The following HAUS6 variants were observed in gnomAD, a reference collection of about 807,000 sequenced individuals.
HAUS6 encodes HAUS augmin-like complex subunit 6.
HAUS6 carries 80 observed loss-of-function variants against 106.8 expected under a neutral mutation model. That is an observed-to-expected ratio of 0.75 (90% CI 0.63 to 0.90). The LOEUF (loss-of-function observed/expected upper bound fraction) is 0.90. Ranked by LOEUF, HAUS6 falls within the 40% of genes least tolerant of loss-of-function variation. The probability of loss-of-function intolerance (pLI) is 0.00; values close to 1 mark genes in which losing one functional copy is unlikely to be tolerated. For synonymous variants in HAUS6, 356 were observed against 379.1 expected (o/e 0.94, Z 0.71); for missense variants, 1,155 against 1,118.1 (o/e 1.03, Z -0.47).
Position 19,076,006 on chromosome 9 carries a change from A to C in HAUS6, c.1294+596T>G, listed in dbSNP as rs559333690. On this transcript the variant is annotated intron_variant, in intron 11 of 16. Transcript: ENST00000380502. The stretch of plus-strand genomic sequence containing the variant: ...ACAAGTACATTACTGGCTGCCAGGG[A>C]CTAGCGGGGAAAATGGAAGTGACTG... 7.3e-5 allele frequency among the ~76,000 whole-genome samples: 11 copies of C among 150,560 alleles called. No homozygotes were observed. In the East Asian group the frequency reaches 2.2e-3, roughly 30 times the overall value.
In HAUS6 at chr9:19,094,318, G is replaced by A; in HGVS notation, c.302C>T (p.Ser101Phe). 3 of 1,560,894 alleles carry A rather than the reference G, an allele frequency of 1.9e-6. No homozygotes were observed. Among genetic ancestry groups the A allele is most frequent in the Non-Finnish European group, 2.6e-6 (3 of 1,136,288 alleles). ...KHCCEWIKRI[S>F]GECGSSFPQV... ...TCTTCTAACAAAAAGAATACTTACA[G>A]AAATCCTTTTTATCCATTCACAGCA... is the stretch of plus-strand genomic sequence containing the variant. The change falls in exon 3 of 17, where the codon TCT (serine) becomes TTT (phenylalanine). Residue 101 changes from serine to phenylalanine, a missense_variant and splice_region_variant. Transcript: ENST00000380502.
intron 2 of HAUS6, among the ~76,000 whole-genome samples, chr9:19,095,504 C>CAAAAAAAA (rs35289506): frequency 7.3e-6 from 1 of 136,584 alleles, no homozygotes. Flanking sequence ...TGATAATCAG[C>CAAAAAAAA]AAAAAAAAAA....
At chr9:19,082,644 G>C (rs1022986906) in intron 8 of HAUS6, among the ~76,000 whole-genome samples, 43 of 152,084 alleles carry the variant, frequency 2.8e-4, no homozygotes, top group African/African-American at 9.2e-4. Flanking sequence ...TACTCGGGAG[G>C]CTGAGGCAGG....
At chr9:19,093,351 C>T (rs1175595048) in intron 3 of HAUS6, 48 bp from the exon 4 acceptor site, 6 of 1,473,116 alleles carry the variant, frequency 4.1e-6, no homozygotes, top group South Asian at 3.6e-5. Context: ...TTAACAATAA[C>T]TCTTACATTT....
At chr9:19,079,380 C>T (rs1286196707) in intron 9 of HAUS6, among the ~76,000 whole-genome samples, 3 of 151,284 alleles carry the variant, frequency 2.0e-5, no homozygotes, top group South Asian at 2.1e-4. Context: ...TACAGGCGCA[C>T]GCCACCACGC....
intron 3 of HAUS6, among the ~76,000 whole-genome samples, 188 bp from the exon 4 acceptor site, chr9:19,093,491 C>T (rs1817798657): frequency 6.6e-6 from 1 of 152,186 alleles, no homozygotes; most frequent in Admixed American, 6.5e-5. Flanking sequence ...TTGGACACAT[C>T]CAACTGTGCA....
intron 14 of HAUS6, among the ~76,000 whole-genome samples, chr9:19,061,616 C>G (rs1403952532): frequency 6.6e-6 from 1 of 152,182 alleles, no homozygotes; most frequent in Admixed American, 6.5e-5. Context: ...TAGAAGATCA[C>G]TTCAGGCTAC....
Position 19,054,821 on chromosome 9 carries a change from C to T in HAUS6, c.*1522G>A, listed in dbSNP as rs979564067. Reference sequence around the variant, plus strand: ...AAATATAATTAAATGAAATAATACACATTAAGTGTCTAGCAGTGGCTTTGG... The same window carrying T: ...AAATATAATTAAATGAAATAATACATATTAAGTGTCTAGCAGTGGCTTTGG... On this transcript the variant is annotated 3_prime_UTR_variant, in exon 17 of 17. Coordinates refer to ENST00000380502, the MANE Select transcript of HAUS6 (RefSeq NM_017645.5). 6 of 152,178 alleles carry T rather than the reference C, an allele frequency of 3.9e-5. No homozygotes were observed. Among genetic ancestry groups the T allele is most frequent in the Non-Finnish European group, 5.9e-5 (4 of 68,040 alleles). 9.4% of individuals were successfully genotyped at this position (152,178 alleles called of 1,614,324 possible).
chr9:19,068,322 G>A (rs996029714), intron 12 of HAUS6, among the ~76,000 whole-genome samples: 4 of 151,898 alleles, frequency 2.6e-5, no homozygotes, highest in African/African-American at 7.3e-5. Context: ...AATCCAGATA[G>A]ACTAAAATAT....
At chr9:19,068,799 C>A (rs1169226626) in intron 12 of HAUS6, among the ~76,000 whole-genome samples, 1 of 151,412 alleles carries the variant, frequency 6.6e-6, no homozygotes, top group Non-Finnish European at 1.5e-5. Context: ...TAATATGTTC[C>A]CCAATCGGAT....
intron 4 of HAUS6, among the ~76,000 whole-genome samples, chr9:19,092,618 GAAAA>G (rs754952207): frequency 0.1 from 5,631 of 54,618 alleles, 157 homozygotes; most frequent in East Asian, 0.14. Flanking sequence ...CTCCGTCTCG[GAAAA>G]AAAAAAAAAA....
chr9:19,064,817 T>C (rs1187152280), intron 12 of HAUS6, among the ~76,000 whole-genome samples: 2 of 152,198 alleles, frequency 1.3e-5, no homozygotes. Flanking sequence ...TGACAAAATA[T>C]AATCCAGATA....
At chr9:19,073,470 A>G (rs1023637374) in intron 11 of HAUS6, among the ~76,000 whole-genome samples, 2 of 151,900 alleles carry the variant, frequency 1.3e-5, no homozygotes, top group Non-Finnish European at 2.9e-5. Flanking sequence ...TGGACTTCCT[A>G]AACGGACACA....
At chr9:19,062,146 C>T (rs192260833) in intron 14 of HAUS6, among the ~76,000 whole-genome samples, 1 of 152,208 alleles carries the variant, frequency 6.6e-6, no homozygotes, top group East Asian at 1.9e-4. Flanking sequence ...TGGTCACTTA[C>T]CAGTAAAAAG....
intron 12 of HAUS6, 67 bp downstream of exon 12, chr9:19,070,152 C>T (rs1365213277): frequency 1.1e-6 from 1 of 904,302 alleles, no homozygotes; most frequent in East Asian, 2.6e-5. Context: ...CCTCTCAGTT[C>T]CATCTCTATT....
At chr9:19,083,509 T>A (rs945023548) in intron 7 of HAUS6, among the ~76,000 whole-genome samples, 2 of 151,992 alleles carry the variant, frequency 1.3e-5, no homozygotes, top group Non-Finnish European at 2.9e-5. Flanking sequence ...ATTTTAAAAA[T>A]TTTTCAAGAG....
chr9:19,094,435 A>C (rs1490930053), intron 2 of HAUS6, 40 bp from the exon 3 acceptor site: 2 of 1,131,780 alleles, frequency 1.8e-6, no homozygotes, highest in Non-Finnish European at 2.6e-6. Context: ...TATGCACAAC[A>C]ATAGCCAAAA....
chr9:19,071,217 G>A (rs1263598584), intron 11 of HAUS6, among the ~76,000 whole-genome samples: 1 of 152,048 alleles, frequency 6.6e-6, no homozygotes, highest in Non-Finnish European at 1.5e-5. Context: ...TAGACAGACA[G>A]GTCAAAAAGC....
At chr9:19,101,392 G>A (rs931623836) in intron 1 of HAUS6, among the ~76,000 whole-genome samples, 13 of 151,986 alleles carry the variant, frequency 8.6e-5, no homozygotes, top group Admixed American at 8.5e-4. Context: ...TCAGGAGGGT[G>A]AAGTGGGAGG....
Sources: gnomAD v4.1 joint callset for allele counts (sites outside exome capture counted in the v4.1 genomes callset) on GRCh38, gnomAD v4.1.1 for gene constraint, MANE v1.5 for transcripts, NCBI Gene and HGNC (gene_info 2026-07-23, HGNC 2026-07-21) for gene names.